The following CD1C variants were observed in gnomAD, a reference collection of about 807,000 sequenced individuals.
The protein encoded by CD1C is T-cell surface glycoprotein CD1c.
A neutral mutation model predicts 39.4 loss-of-function variants in CD1C; 47 were observed. The ratio of observed to expected loss-of-function variants is 1.19; its 90% confidence interval spans 0.94 to 1.52. CD1C has a LOEUF of 1.52. CD1C is among the 40% of genes most tolerant of loss of function. The pLI is 0.00. For synonymous variants in CD1C, 165 were observed against 150.8 expected (o/e 1.09, Z -0.69); for missense variants, 417 against 395.2 (o/e 1.06, Z -0.47).
rs1372740586 is a variant in CD1C, at chr1:158,292,684, G to T, written c.699G>T (p.Lys233Asn). ...GTCATGCCTCCGGCTTCTACCCAAAGCCTGTTTGGGTGACATGGATGCGGA... is the reference window on the plus strand; with the variant it reads ...GTCATGCCTCCGGCTTCTACCCAAATCCTGTTTGGGTGACATGGATGCGGA... Reference protein sequence around the residue: ...LVCHASGFYPKPVWVTWMRNE... With the variant: ...LVCHASGFYPNPVWVTWMRNE... The change falls in exon 4 of 6, where the codon AAG becomes AAT. Residue 233 changes from lysine (K) to asparagine (N), a missense_variant. Lys to Asn is a moderately conservative substitution (Grantham distance 94, BLOSUM62 0). Coordinates refer to ENST00000368170, the MANE Select transcript of CD1C (RefSeq NM_001765.3). 1 of 1,613,946 alleles carries T rather than the reference G, an allele frequency of 6.2e-7. No homozygotes were observed. Among genetic ancestry groups the T allele is most frequent in the South Asian group, 1.1e-5 (1 of 91,082 alleles).
chr1:158,290,296 G>A (rs1330254461), intron 1 of CD1C, among the ~76,000 whole-genome samples, 171 bp downstream of exon 1: 1 of 152,122 alleles, frequency 6.6e-6, no homozygotes, highest in Non-Finnish European at 1.5e-5. Context: ...TCTGTGTAAG[G>A]AAAATGTTAT....
intron 2 of CD1C, among the ~76,000 whole-genome samples, chr1:158,291,821 T>G (rs931117259): frequency 6.6e-6 from 1 of 152,156 alleles, no homozygotes. Flanking sequence ...TCACCCTCTA[T>G]CCTATATTAT....
intron 4 of CD1C, 84 bp from the exon 5 acceptor site, chr1:158,293,128 T>C (rs1293125195): frequency 9.1e-7 from 1 of 1,097,760 alleles, no homozygotes; most frequent in Non-Finnish European, 1.4e-6. Flanking sequence ...ATCCAATGCA[T>C]ATGTTAAGTA....
intron 1 of CD1C, among the ~76,000 whole-genome samples, chr1:158,290,658 G>A (rs1651001224): frequency 6.6e-6 from 1 of 152,162 alleles, no homozygotes; most frequent in African/African-American, 2.4e-5. Flanking sequence ...GGCTGATGGG[G>A]AAGATTGTCT....
chr1:158,292,224 A>G lies in CD1C; in HGVS notation c.469A>G (p.Ser157Gly). 2.5e-6 allele frequency: 4 copies of G among 1,614,160 alleles called. No homozygotes were observed. Among genetic ancestry groups the G allele is most frequent in the Non-Finnish European group, 2.5e-6 (3 of 1,180,024 alleles). Residue 157 changes from serine to glycine, a missense_variant, in exon 3 of 6, where the codon AGT (serine) becomes GGT (glycine). By Grantham distance (56) the Ser-to-Gly change is moderately conservative. Transcript: ENST00000368170. ...TTWVPSPGCG[S>G]LAQSVCHLLN... is the part of the protein sequence containing the mutation. ...ATGGGTGCCATCTCCAGGCTGTGGA[A>G]GTTTGGCCCAAAGTGTCTGTCATCT...
chr1:158,292,254 A>C lies in CD1C; in HGVS notation c.499A>C (p.Asn167His). ...GGCCCAAAGTGTCTGTCATCTACTC[A>C]ATCATCAGTATGAAGGCGTCACAGA... ...SLAQSVCHLL[N>H]HQYEGVTETV... Residue 167 changes from asparagine (N) to histidine (H), a missense_variant, in exon 3 of 6, where the codon AAT (asparagine) becomes CAT (histidine). Coordinates refer to ENST00000368170, the MANE Select transcript of CD1C (RefSeq NM_001765.3). The C allele has an allele frequency of 6.2e-7, 1 of 1,614,174 alleles. No individual in the cohort carries two copies. Among genetic ancestry groups the C allele is most frequent in the Non-Finnish European group, 8.5e-7 (1 of 1,180,030 alleles).
chr1:158,291,470 T>G (rs1651040983), intron 2 of CD1C, 70 bp downstream of exon 2: 2 of 1,519,142 alleles, frequency 1.3e-6, no homozygotes, highest in Non-Finnish European at 1.8e-6. Flanking sequence ...TCTCTACTAA[T>G]TTTTGGGCCA....
chr1:158,292,865 C>A lies in CD1C; in HGVS notation c.880C>A (p.Leu294Ile), dbSNP rs780763972. The change falls in exon 4 of 6, where the codon CTC becomes ATC. Residue 294 changes from leucine (L) to isoleucine (I), a missense_variant. By Grantham distance (5) the Leu-to-Ile change is conservative (BLOSUM62 2). Transcript: ENST00000368170. ...HSSLGGQDII[L>I]YWGHHFSMNW... ...CAGTCTAGGAGGCCAGGACATCATC[C>A]TCTACTGGGGTAAGACTGGAGGTTG... is the stretch of plus-strand genomic sequence containing the variant. The A allele has an allele frequency of 1.2e-6, 2 of 1,613,900 alleles. No individual in the cohort carries two copies. The highest frequency in any genetic ancestry group is 2.7e-5 in the African/African-American group (2 of 74,926).
chr1:158,292,284 G>C lies in CD1C; in HGVS notation c.529G>C (p.Val177Leu). The C allele has an allele frequency of 1.2e-6, 2 of 1,614,218 alleles. No homozygotes were observed. Among genetic ancestry groups the C allele is most frequent in the Non-Finnish European group, 1.7e-6 (2 of 1,180,022 alleles). Residue 177 changes from valine (V) to leucine (L), a missense_variant, in exon 3 of 6, where the codon GTG becomes CTG. Physicochemically the swap from Val to Leu is conservative, Grantham distance 32 (BLOSUM62 1). Transcript: ENST00000368170. ...NHQYEGVTET[V>L]YNLIRSTCPR... ...TCAGTATGAAGGCGTCACAGAAACAGTGTATAATCTCATAAGAAGCACTTG... is the reference window on the plus strand; with the variant it reads ...TCAGTATGAAGGCGTCACAGAAACACTGTATAATCTCATAAGAAGCACTTG...
rs368552932 is a variant in CD1C, at chr1:158,292,244, T to C, written c.489T>C (p.Cys163=). Residue 163 remains cysteine (C), a synonymous_variant, in exon 3 of 6, where the codon TGT becomes TGC. Coordinates refer to ENST00000368170, the MANE Select transcript of CD1C (RefSeq NM_001765.3). ...GTGGAAGTTTGGCCCAAAGTGTCTG[T>C]CATCTACTCAATCATCAGTATGAAG... is the stretch of plus-strand genomic sequence containing the variant. The part of the protein sequence containing the change: ...PGCGSLAQSV[C]HLLNHQYEGV... 5.3e-5 allele frequency: 86 copies of C among 1,614,076 alleles called. No homozygotes were observed. The highest frequency in any genetic ancestry group is 6.8e-5 in the Non-Finnish European group (80 of 1,180,038).
intron 3 of CD1C, 49 bp downstream of exon 3, chr1:158,292,414 C>G (rs764939458): frequency 3.1e-5 from 49 of 1,565,630 alleles, no homozygotes; most frequent in Non-Finnish European, 4.2e-5. Flanking sequence ...TCAAGTACTG[C>G]CCCTTCTGTT....
At chr1:158,293,105 AC>A in intron 4 of CD1C, 106 bp from the exon 5 acceptor site, 1 of 966,806 alleles carries the variant, frequency 1.0e-6, no homozygotes, top group Non-Finnish European at 1.6e-6. Context: ...AAATAGGATA[AC>A]TGATGCAACT....
rs149354390 is a variant in CD1C, at chr1:158,292,728, G to A, written c.743G>A (p.Gly248Asp). 7.1e-5 allele frequency: 114 copies of A among 1,614,192 alleles called. No individual in the cohort carries two copies. The East Asian group carries it at 1.4e-3, about 19-fold the overall frequency. Residue 248 changes from glycine to aspartate, a missense_variant, in exon 4 of 6, where the codon GGC becomes GAC. By Grantham distance (94) the Gly-to-Asp change is moderately conservative. Transcript: ENST00000368170. ...ATGCGGAATGAACAGGAGCAACTGG[G>A]CACTAAACATGGTGATATTCTTCCT... ...TWMRNEQEQL[G>D]TKHGDILPNA...
Position 158,290,991 on chromosome 1 carries a change from G to C in CD1C, c.62-143G>C, listed in dbSNP as rs567304404. 1.1e-4 allele frequency: 91 copies of C among 839,456 alleles called. No homozygotes were observed. The South Asian group carries it at 1.6e-3, about 14-fold the overall frequency. The allele number at this position is 839,456 out of a possible 1,614,324, so 52.0% of individuals were successfully genotyped here. On this transcript the variant is annotated intron_variant, in intron 1 of 5. Transcript: ENST00000368170. ...TTAGAGGATGGTGGCAGAGCATGGG[G>C]CTCTGTGTAAGGAAAATGGTATAGC...
intron 2 of CD1C, 23 bp downstream of exon 2, chr1:158,291,423 T>C (rs966859386): frequency 1.2e-6 from 2 of 1,608,352 alleles, no homozygotes; most frequent in Non-Finnish European, 1.7e-6. Context: ...ATCTAAATTA[T>C]GGGAGTTCTT....
In CD1C at chr1:158,294,703, TTA is replaced by T. The variant is rs1651170865; in HGVS notation, c.*1229_*1230del. Among the ~76,000 whole-genome samples the T allele has an allele frequency of 6.6e-6, 1 of 152,218 alleles. No homozygotes were observed. The highest frequency in any genetic ancestry group is 6.5e-5 in the Admixed American group (1 of 15,286). On this transcript the variant is annotated 3_prime_UTR_variant, in exon 6 of 6. Transcript: ENST00000368170. ...GCATTCTTGCAACTACTGATATACT[TTA>T]TGTCACTTAAGCTTAAACTTGTATT...
Position 158,293,720 on chromosome 1 carries a change from C to T in CD1C, c.*244C>T, listed in dbSNP as rs553661051. ...TTTCCTCCAACGATCTTCCTTGACCCATACTGAACCCAGAGAGCCCCTCAA... is the reference window on the plus strand; with the variant it reads ...TTTCCTCCAACGATCTTCCTTGACCTATACTGAACCCAGAGAGCCCCTCAA... On this transcript the variant is annotated 3_prime_UTR_variant, in exon 6 of 6. Transcript: ENST00000368170. The T allele has an allele frequency of 9.2e-5, 79 of 858,434 alleles. No individual in the cohort carries two copies. The Admixed American group carries it at 1.3e-3, about 14-fold the overall frequency. 53.2% of individuals were successfully genotyped at this position (858,434 alleles called of 1,614,324 possible). A position where few individuals can be genotyped will look rare whatever the true frequency, so the allele number is the denominator to read the frequency against.
intron 5 of CD1C, 65 bp from the exon 6 acceptor site, chr1:158,293,390 C>G: frequency 4.4e-6 from 7 of 1,594,684 alleles, no homozygotes; most frequent in Non-Finnish European, 6.0e-6. Flanking sequence ...ATTGACTACT[C>G]CACCTTATCC....
At chr1:158,293,371 C>A (rs376034287) in intron 5 of CD1C, 69 bp downstream of exon 5, 10 of 1,594,114 alleles carry the variant, frequency 6.3e-6, no homozygotes, top group Middle Eastern at 1.7e-4. Flanking sequence ...ACTCTCTTAG[C>A]TTTTCTCTAT....
Sources: gnomAD v4.1 joint callset for allele counts (sites outside exome capture counted in the v4.1 genomes callset) on GRCh38, gnomAD v4.1.1 for gene constraint, MANE v1.5 for transcripts, NCBI Gene and HGNC (gene_info 2026-07-23, HGNC 2026-07-21) for gene names.